The following SLC25A21 variants were observed in gnomAD, a reference collection of about 807,000 sequenced individuals.
The protein encoded by SLC25A21 is mitochondrial 2-oxodicarboxylate carrier.
Under a neutral mutation model 43.8 loss-of-function variants are expected in SLC25A21, and 47 were observed. That is an observed-to-expected ratio of 1.07 (90% CI 0.85 to 1.37). The LOEUF (loss-of-function observed/expected upper bound fraction) is 1.37, where lower values mean the gene tolerates loss of function less well. Among genes scored for constraint, SLC25A21 ranks in the 40% most tolerant of loss-of-function variants. The pLI, the probability that SLC25A21 is intolerant of heterozygous loss-of-function variation, is 0.00. For synonymous variants in SLC25A21, 131 were observed against 121.3 expected (o/e 1.08, Z -0.52); for missense variants, 352 against 350.2 (o/e 1.00, Z -0.04).
chr14:37,135,667 A>T (rs1174562399), intron 1 of SLC25A21, among the ~76,000 whole-genome samples: 10 of 152,178 alleles, frequency 6.6e-5, no homozygotes, highest in Admixed American at 6.5e-4. Flanking sequence ...CTCATTATTG[A>T]TCTAACAAGG....
intron 1 of SLC25A21, among the ~76,000 whole-genome samples, chr14:37,031,332 T>A (rs983130286): frequency 2.0e-5 from 3 of 152,160 alleles, no homozygotes; most frequent in Non-Finnish European, 4.4e-5. Flanking sequence ...CATGAAAAAA[T>A]TTTTAAAAAA....
At chr14:36,834,071 G>A (rs1283300356) in intron 2 of SLC25A21, among the ~76,000 whole-genome samples, 3 of 152,106 alleles carry the variant, frequency 2.0e-5, no homozygotes, top group African/African-American at 7.2e-5. Context: ...CTTTTAAAAC[G>A]CTATAAGTGA....
chr14:37,105,891 T>A (rs1962902302), intron 1 of SLC25A21, among the ~76,000 whole-genome samples: 2 of 152,120 alleles, frequency 1.3e-5, no homozygotes. Context: ...TAATGCTACA[T>A]ATTGTTTACT....
intron 1 of SLC25A21, among the ~76,000 whole-genome samples, chr14:36,919,102 T>A (rs994156276): frequency 5.9e-5 from 9 of 152,044 alleles, no homozygotes; most frequent in African/African-American, 2.2e-4. Context: ...AATGAATGAA[T>A]GAATGAATGA....
At chr14:36,935,336 G>A (rs1193300484) in intron 1 of SLC25A21, among the ~76,000 whole-genome samples, 1 of 152,140 alleles carries the variant, frequency 6.6e-6, no homozygotes, top group Non-Finnish European at 1.5e-5. Context: ...GCATGGGACT[G>A]ACCCAGAGCT....
intron 1 of SLC25A21, among the ~76,000 whole-genome samples, chr14:37,007,980 T>C (rs1199417666): frequency 1.3e-5 from 2 of 152,158 alleles, no homozygotes; most frequent in South Asian, 2.1e-4. Context: ...GTTCAAGCGA[T>C]TCTCCTGCCT....
chr14:36,742,798 T>C (rs1294813107), intron 3 of SLC25A21, among the ~76,000 whole-genome samples: 1 of 152,244 alleles, frequency 6.6e-6, no homozygotes, highest in Admixed American at 6.5e-5. Context: ...GTTTTCATTA[T>C]TCATTACTGA....
chr14:37,004,434 T>G (rs115177915), intron 1 of SLC25A21, among the ~76,000 whole-genome samples: 1 of 152,354 alleles, frequency 6.6e-6, no homozygotes, highest in Admixed American at 6.5e-5. Context: ...ATGCATTTCA[T>G]GTTAATGCTG....
intron 1 of SLC25A21, among the ~76,000 whole-genome samples, chr14:36,886,837 C>T (rs959063968): frequency 1.3e-5 from 2 of 151,062 alleles, no homozygotes; most frequent in African/African-American, 4.8e-5. Context: ...TTCTTGTCTT[C>T]CTCTTTGTTA....
chr14:36,904,540 T>C (rs1218665702), intron 1 of SLC25A21, among the ~76,000 whole-genome samples: 1 of 152,206 alleles, frequency 6.6e-6, no homozygotes, highest in Non-Finnish European at 1.5e-5. Flanking sequence ...ATTAGTCTGT[T>C]CTCACACTTC....
At chr14:36,872,653 G>A (rs1245691809) in intron 2 of SLC25A21, among the ~76,000 whole-genome samples, 1 of 152,132 alleles carries the variant, frequency 6.6e-6, no homozygotes, top group Admixed American at 6.5e-5. Context: ...ATACCACCCA[G>A]TATCCAATTC....
At chr14:36,880,342 T>A (rs1449391558) in intron 1 of SLC25A21, among the ~76,000 whole-genome samples, 3 of 152,184 alleles carry the variant, frequency 2.0e-5, no homozygotes, top group Admixed American at 6.5e-5. Context: ...GTTATCTACC[T>A]CCAGACACTC....
At chr14:37,072,878 T>C (rs2138827608) in intron 1 of SLC25A21, among the ~76,000 whole-genome samples, 1 of 152,336 alleles carries the variant, frequency 6.6e-6, no homozygotes, top group East Asian at 1.9e-4. Flanking sequence ...TATACATGTG[T>C]AGATAACATA....
intron 1 of SLC25A21, among the ~76,000 whole-genome samples, chr14:37,058,652 C>A (rs963682987): frequency 1.3e-5 from 2 of 152,170 alleles, no homozygotes; most frequent in Admixed American, 6.5e-5. Flanking sequence ...ACAGAAGGTT[C>A]TCTGACATAT....
intron 2 of SLC25A21, among the ~76,000 whole-genome samples, chr14:36,816,311 A>G (rs1888452868): frequency 6.6e-6 from 1 of 152,086 alleles, no homozygotes; most frequent in South Asian, 2.1e-4. Context: ...CTATTGACCA[A>G]CTGGATGGAT....
At chr14:36,871,005 G>A (rs1047656444) in intron 2 of SLC25A21, 3 of 152,200 alleles carry the variant, frequency 2.0e-5, no homozygotes, top group African/African-American at 4.8e-5. Flanking sequence ...AACCACCAGG[G>A]TGAGACCGTT....
At chr14:36,720,595 G>T (rs1380385927) in intron 6 of SLC25A21, among the ~76,000 whole-genome samples, 3 of 152,238 alleles carry the variant, frequency 2.0e-5, no homozygotes, top group Non-Finnish European at 2.9e-5. Context: ...CCACAACTAG[G>T]AGCTGACTGA....
chr14:36,934,744 A>G (rs921965209), intron 1 of SLC25A21, among the ~76,000 whole-genome samples: 3 of 151,106 alleles, frequency 2.0e-5, no homozygotes, highest in African/African-American at 4.9e-5. Flanking sequence ...GAGAGAGAAA[A>G]GAAGAAGGGC....
At chr14:36,808,255 A>C (rs901629468) in intron 3 of SLC25A21, among the ~76,000 whole-genome samples, 1 of 152,148 alleles carries the variant, frequency 6.6e-6, no homozygotes, top group Non-Finnish European at 1.5e-5. Context: ...CACATAAGAG[A>C]GCTAAGGAAC....
Sources: gnomAD v4.1 joint callset for allele counts (sites outside exome capture counted in the v4.1 genomes callset) on GRCh38, gnomAD v4.1.1 for gene constraint, MANE v1.5 for transcripts, NCBI Gene and HGNC (gene_info 2026-07-23, HGNC 2026-07-21) for gene names.